Variants in GPC6 observed in about 807,000 individuals in gnomAD.
The protein encoded by GPC6 is glypican 6, also known as glypican-6.
Under a neutral mutation model 55.2 loss-of-function variants are expected in GPC6, and 14 were observed. The ratio of observed to expected loss-of-function variants is 0.25; its 90% CI spans 0.17 to 0.40. The LOEUF (loss-of-function observed/expected upper bound fraction) is 0.40, where lower values mean the gene tolerates loss of function less well. Ranked by LOEUF, GPC6 falls within the 10% of genes least tolerant of loss-of-function variation. The pLI is 1.00. For missense variants in GPC6, 641 were observed against 708.5 expected, an observed-to-expected ratio of 0.90 and a Z score of 1.08; for synonymous variants, 278 against 259.6, an observed-to-expected ratio of 1.07 and a Z score of -0.68.
intron 1 of GPC6, among the ~76,000 whole-genome samples, chr13:93,495,923 T>A (rs1880248496): frequency 6.8e-6 from 1 of 148,048 alleles, no homozygotes; most frequent in Non-Finnish European, 1.5e-5. Context: ...ACTGCTCTCT[T>A]CAAAGCTGTC....
chr13:93,827,011 G>A (rs1168109547), intron 2 of GPC6, among the ~76,000 whole-genome samples: 1 of 152,158 alleles, frequency 6.6e-6, no homozygotes, highest in Non-Finnish European at 1.5e-5. Context: ...GGCTAGGAAA[G>A]GTTTTTTGTG....
At chr13:93,908,471 C>G (rs1008142094) in intron 3 of GPC6, among the ~76,000 whole-genome samples, 3 of 152,116 alleles carry the variant, frequency 2.0e-5, no homozygotes, top group Admixed American at 2.0e-4. Context: ...AAAGCCAGTG[C>G]GAAATCAAGC....
chr13:94,180,294 A>G (rs1888944200), intron 4 of GPC6, among the ~76,000 whole-genome samples: 1 of 152,172 alleles, frequency 6.6e-6, no homozygotes, highest in Non-Finnish European at 1.5e-5. Flanking sequence ...CTAACTCCTT[A>G]AGACATACGT....
rs139132241 is a variant in GPC6, at chr13:93,805,442, T to C, written c.320-24712T>C. Among the ~76,000 whole-genome samples the C allele has an allele frequency of 4.6e-3, 704 of 152,278 alleles. 8 individuals carry two copies. The highest frequency in any genetic ancestry group is 0.016 in the African/African-American group (675 of 41,566). On this transcript the variant is annotated intron_variant, in intron 2 of 8. Coordinates refer to ENST00000377047, the MANE Select transcript of GPC6 (RefSeq NM_005708.5). ...AGTTTGAAAGAATATATAAAAATAA[T>C]GTTTGGGGGAATCATATACATTTTA...
intron 1 of GPC6, among the ~76,000 whole-genome samples, chr13:93,511,191 A>G (rs1321855943): frequency 6.6e-6 from 1 of 150,522 alleles, no homozygotes; most frequent in Non-Finnish European, 1.5e-5. Context: ...GAAGCATTTT[A>G]AAAATTAAGT....
At chr13:94,209,473 A>C (rs1890007804) in intron 4 of GPC6, among the ~76,000 whole-genome samples, 1 of 152,224 alleles carries the variant, frequency 6.6e-6, no homozygotes, top group South Asian at 2.1e-4. Flanking sequence ...ATATTTAGTC[A>C]GTGTCATATT....
At chr13:93,846,779 A>G (rs761142272) in intron 3 of GPC6, among the ~76,000 whole-genome samples, 2 of 152,064 alleles carry the variant, frequency 1.3e-5, no homozygotes, top group Non-Finnish European at 2.9e-5. Context: ...GCGCCATTGC[A>G]CTCCAGCCTC....
chr13:93,501,798 T>C (rs1273313817), intron 1 of GPC6, among the ~76,000 whole-genome samples: 1 of 152,180 alleles, frequency 6.6e-6, no homozygotes, highest in African/African-American at 2.4e-5. Flanking sequence ...TCTAAATTAC[T>C]GCCTTGACTT....
At chr13:93,969,426 C>A (rs1354980903) in intron 3 of GPC6, among the ~76,000 whole-genome samples, 2 of 152,084 alleles carry the variant, frequency 1.3e-5, no homozygotes, top group African/African-American at 4.8e-5. Flanking sequence ...GAAGTGTATG[C>A]CAGGGATGCC....
intron 4 of GPC6, among the ~76,000 whole-genome samples, chr13:94,128,135 G>C (rs1886885191): frequency 6.6e-6 from 1 of 152,024 alleles, no homozygotes; most frequent in Non-Finnish European, 1.5e-5. Context: ...TTTAAAATCA[G>C]TGTGTTTATT....
rs546797430 is a variant in GPC6, at chr13:93,960,164, C to T, written c.712-67565C>T. ...TCAAGCTGTAGATGGTGGGCTTTCT[C>T]CTCTTGCGGGCTCCTGTGGTCCTAG... is the stretch of plus-strand genomic sequence containing the variant. On this transcript the variant is annotated intron_variant, in intron 3 of 8. Transcript: ENST00000377047. Among the ~76,000 whole-genome samples the T allele has an allele frequency of 6.6e-5, 10 of 152,316 alleles. No individual in the cohort carries two copies. The South Asian group carries it at 1.9e-3, about 28-fold the overall frequency.
At chr13:93,446,054 A>G (rs1345460551) in intron 1 of GPC6, among the ~76,000 whole-genome samples, 2 of 152,232 alleles carry the variant, frequency 1.3e-5, no homozygotes, top group Non-Finnish European at 2.9e-5. Flanking sequence ...GGGAGATAAT[A>G]GGAATGATTG....
intron 3 of GPC6, among the ~76,000 whole-genome samples, chr13:93,840,391 C>G (rs763878301): frequency 1.4e-4 from 22 of 151,958 alleles, no homozygotes; most frequent in Non-Finnish European, 2.5e-4. Context: ...TAGCTTAAAT[C>G]AGGAAGAATT....
At chr13:93,573,067 A>C (rs1295546472) in intron 2 of GPC6, among the ~76,000 whole-genome samples, 1 of 152,116 alleles carries the variant, frequency 6.6e-6, no homozygotes, top group African/African-American at 2.4e-5. Context: ...TTCTGTAAAA[A>C]GTCAATAGAT....
At chr13:93,442,494 T>TA (rs1877842920) in intron 1 of GPC6, among the ~76,000 whole-genome samples, 1 of 152,194 alleles carries the variant, frequency 6.6e-6, no homozygotes, top group Admixed American at 6.5e-5. Flanking sequence ...TATATCATCC[T>TA]TCTACCACCT....
chr13:94,395,644 T>C (rs2139224698), intron 7 of GPC6, among the ~76,000 whole-genome samples: 1 of 152,338 alleles, frequency 6.6e-6, no homozygotes, highest in South Asian at 2.1e-4. Flanking sequence ...TTCCAGAACT[T>C]GGAAAATCAC....
At chr13:94,238,596 A>G (rs1890951990) in intron 4 of GPC6, among the ~76,000 whole-genome samples, 2 of 152,176 alleles carry the variant, frequency 1.3e-5, no homozygotes, top group South Asian at 4.1e-4. Flanking sequence ...CCCTGAATTT[A>G]ACAATTATAA....
At chr13:94,104,122 A>G (rs1224422698) in intron 4 of GPC6, among the ~76,000 whole-genome samples, 1 of 152,168 alleles carries the variant, frequency 6.6e-6, no homozygotes, top group Non-Finnish European at 1.5e-5. Context: ...TTTTCCCAGC[A>G]CCATTTATTA....
intron 2 of GPC6, among the ~76,000 whole-genome samples, chr13:93,712,912 G>C (rs988058922): frequency 6.6e-6 from 1 of 151,268 alleles, no homozygotes; most frequent in East Asian, 2.0e-4. Context: ...AATTGCTAAT[G>C]TATTAAGCCG....
Sources: allele counts gnomAD v4.1 joint callset (sites outside exome capture counted in the v4.1 genomes callset), GRCh38; gene constraint gnomAD v4.1.1; transcripts MANE v1.5; gene names NCBI Gene and HGNC (gene_info 2026-07-23, HGNC 2026-07-21).